PARD3B: variants seen among roughly 807,000 people sequenced by gnomAD.
The protein encoded by PARD3B is par-3 family cell polarity regulator beta.
Under a neutral mutation model 130.2 loss-of-function variants are expected in PARD3B, and 103 were observed. That is an observed-to-expected ratio of 0.79 (90% CI 0.67 to 0.93). The LOEUF is 0.93. PARD3B is among the 40% of genes least tolerant of loss of function. The probability of loss-of-function intolerance (pLI) is 0.00; values close to 1 mark genes in which losing one functional copy is unlikely to be tolerated. For synonymous variants in PARD3B, 583 were observed against 553.2 expected (o/e 1.05, Z -0.76); for missense variants, 1,609 against 1,499.2 (o/e 1.07, Z -1.21).
At chr2:204,975,742 G>T (rs1038684138) in intron 3 of PARD3B, among the ~76,000 whole-genome samples, 9 of 152,130 alleles carry the variant, frequency 5.9e-5, no homozygotes, top group African/African-American at 2.2e-4. Flanking sequence ...CCTCTATTCT[G>T]ACACAAAATA....
chr2:205,089,167 CTTTT>C lies in PARD3B; in HGVS notation c.505-15255_505-15252del, dbSNP rs370011164. 4.2e-5 allele frequency among the ~76,000 whole-genome samples: 5 copies of C among 120,150 alleles called. No homozygotes were observed. The South Asian group carries it at 1.1e-3, about 26-fold the overall frequency. The allele number at this position is 120,150 out of a possible 152,430, so 78.8% of individuals were successfully genotyped here. A position where few individuals can be genotyped will look rare whatever the true frequency, so the allele number is the denominator to read the frequency against. On this transcript the variant is annotated intron_variant, in intron 4 of 22. Coordinates refer to ENST00000406610, the MANE Select transcript of PARD3B (RefSeq NM_001302769.2). ...CTTTCTTTTTTTTTTTTCTTTTTTT[CTTTT>C]TTTGTTTGTTTGTTTGGAGATGAAG... is the stretch of plus-strand genomic sequence containing the variant.
chr2:205,507,694 G>A (rs988455196), intron 21 of PARD3B, among the ~76,000 whole-genome samples: 2 of 152,086 alleles, frequency 1.3e-5, no homozygotes, highest in Non-Finnish European at 2.9e-5. Flanking sequence ...AACTGTCTAC[G>A]ACAACTTCGA....
chr2:204,657,750 A>C (rs2035684692), intron 1 of PARD3B, among the ~76,000 whole-genome samples: 1 of 152,276 alleles, frequency 6.6e-6, no homozygotes, highest in South Asian at 2.1e-4. Context: ...GAATTGAAAT[A>C]CTTCTTTACT....
intron 1 of PARD3B, among the ~76,000 whole-genome samples, chr2:204,602,295 C>G (rs905779702): frequency 6.6e-6 from 1 of 152,040 alleles, no homozygotes; most frequent in African/African-American, 2.4e-5. Flanking sequence ...TCCTCTCACT[C>G]CTAGGTGTGT....
intron 2 of PARD3B, among the ~76,000 whole-genome samples, chr2:204,909,945 G>A (rs1388964666): frequency 2.0e-5 from 3 of 152,152 alleles, no homozygotes; most frequent in Non-Finnish European, 4.4e-5. Context: ...ATAATGTGTA[G>A]AGTCAGGGAT....
intron 2 of PARD3B, among the ~76,000 whole-genome samples, chr2:204,927,497 A>G (rs753130756): frequency 2.6e-5 from 4 of 152,098 alleles, no homozygotes; most frequent in South Asian, 2.1e-4. Context: ...TGTTGTTCCT[A>G]TGCTACCTGG....
intron 1 of PARD3B, among the ~76,000 whole-genome samples, chr2:204,680,925 TTG>T (rs542125080): frequency 1.3e-5 from 2 of 151,990 alleles, no homozygotes; most frequent in African/African-American, 4.8e-5. Context: ...GTTACACTAT[TTG>T]TGTGTGTGTG....
intron 19 of PARD3B, among the ~76,000 whole-genome samples, chr2:205,435,261 A>G (rs767135811): frequency 6.6e-6 from 1 of 152,058 alleles, no homozygotes; most frequent in Non-Finnish European, 1.5e-5. Flanking sequence ...TCACCCTTAC[A>G]TACATCATCT....
chr2:204,716,713 C>A (rs1000699592), intron 2 of PARD3B, among the ~76,000 whole-genome samples: 1 of 151,062 alleles, frequency 6.6e-6, no homozygotes, highest in Non-Finnish European at 1.5e-5. Context: ...AGTTCCGCCT[C>A]CTGGGTTCAC....
At chr2:205,299,073 C>A in intron 16 of PARD3B, among the ~76,000 whole-genome samples, 1 of 152,256 alleles carries the variant, frequency 6.6e-6, no homozygotes, top group Middle Eastern at 3.4e-3. Context: ...CTAAGCACTC[C>A]ATGCATTATT....
intron 22 of PARD3B, among the ~76,000 whole-genome samples, chr2:205,594,974 A>G (rs994823155): frequency 2.0e-5 from 3 of 152,224 alleles, no homozygotes; most frequent in Admixed American, 2.0e-4. Flanking sequence ...CTTCGAACTC[A>G]GAAAATATTG....
chr2:204,820,946 A>C (rs1026491056), intron 2 of PARD3B, among the ~76,000 whole-genome samples: 6 of 152,224 alleles, frequency 3.9e-5, no homozygotes, highest in African/African-American at 1.2e-4. Context: ...CCTGGATGCT[A>C]ACACCCCTGT....
intron 21 of PARD3B, among the ~76,000 whole-genome samples, chr2:205,516,747 G>T (rs1405387771): frequency 6.6e-6 from 1 of 151,878 alleles, no homozygotes; most frequent in Admixed American, 6.6e-5. Flanking sequence ...CTATTTGGAT[G>T]CCCTTTCTTT....
At chr2:204,591,937 T>A (rs2033088917) in intron 1 of PARD3B, among the ~76,000 whole-genome samples, 1 of 152,256 alleles carries the variant, frequency 6.6e-6, no homozygotes, top group African/African-American at 2.4e-5. Flanking sequence ...CTTTTTAGTG[T>A]GCTAAAGTTG....
rs530015694 is a variant in PARD3B at position 205,263,849 on chromosome 2, C to G, written c.2185+18027C>G. On this transcript the variant is annotated intron_variant, in intron 16 of 22. Transcript: ENST00000406610. This position sits in a 1 kb window ranked among gnomAD's most constrained non-coding sequence, Gnocchi z 4.0. ...CTGTATACAGAATATATAAAAGTTC[C>G]GAACCCAAGGAATTGCCAAAATTTA... Among the ~76,000 whole-genome samples the G allele has an allele frequency of 6.6e-6, 1 of 151,020 alleles. No homozygotes were observed. The highest frequency in any genetic ancestry group is 1.5e-5 in the Non-Finnish European group (1 of 67,590).
chr2:204,649,518 C>T (rs1342943105), intron 1 of PARD3B, among the ~76,000 whole-genome samples: 1 of 151,784 alleles, frequency 6.6e-6, no homozygotes, highest in Admixed American at 6.6e-5. Flanking sequence ...AAAGAAACAT[C>T]ATTATTATGC....
intron 22 of PARD3B, among the ~76,000 whole-genome samples, chr2:205,574,552 G>A (rs570699356): frequency 4.6e-5 from 7 of 152,046 alleles, no homozygotes; most frequent in African/African-American, 1.4e-4. Context: ...TACCAACAGC[G>A]CTTGTTTGTG....
intron 18 of PARD3B, among the ~76,000 whole-genome samples, chr2:205,359,042 A>G (rs1450986984): frequency 6.6e-6 from 1 of 152,180 alleles, no homozygotes; most frequent in Non-Finnish European, 1.5e-5. Flanking sequence ...AGAATTTTTG[A>G]AGGTAGCTCT....
At chr2:204,644,293 A>G (rs796680821) in intron 1 of PARD3B, among the ~76,000 whole-genome samples, 4 of 145,978 alleles carry the variant, frequency 2.7e-5, no homozygotes, top group African/African-American at 1.0e-4. Flanking sequence ...CATTTATTTT[A>G]CTACTCAAAG....
Sources: allele counts gnomAD v4.1 joint callset (sites outside exome capture counted in the v4.1 genomes callset), GRCh38; gene constraint gnomAD v4.1.1; non-coding constraint Gnocchi (gnomAD v3.1); transcripts MANE v1.5; gene names NCBI Gene and HGNC (gene_info 2026-07-23, HGNC 2026-07-21).